Variants in CBFA2T2 observed in about 807,000 individuals in gnomAD.
The protein encoded by CBFA2T2 is CBFA2/RUNX1 partner transcriptional co-repressor 2, also known as protein CBFA2T2.
In CBFA2T2, 11 loss-of-function variants were observed where a neutral mutation model predicts 62.2. The observed-to-expected ratio is 0.18, with a 90% CI of 0.11 to 0.29. The LOEUF is 0.29. CBFA2T2 is among the 10% of genes least tolerant of loss of function. CBFA2T2 has a pLI of 1.00. For missense variants in CBFA2T2, 592 were observed against 774.1 expected (o/e 0.76, Z 2.79); for synonymous variants, 295 against 287.5 (o/e 1.03, Z -0.27).
intron 1 of CBFA2T2, among the ~76,000 whole-genome samples, chr20:33,563,497 T>G (rs759098053): frequency 1.6e-4 from 25 of 152,144 alleles, no homozygotes; most frequent in Non-Finnish European, 2.4e-4. Flanking sequence ...CATGAGCCAC[T>G]GCACCTGGCC....
chr20:33,541,036 C>A (rs1303619322), intron 1 of CBFA2T2, among the ~76,000 whole-genome samples: 1 of 152,152 alleles, frequency 6.6e-6, no homozygotes. Flanking sequence ...GTTTAAGATG[C>A]ACTGTGGGAC....
In CBFA2T2 at chr20:33,628,433, C is replaced by A; in HGVS notation, c.1030C>A (p.His344Asn). 6.2e-7 allele frequency: 1 copy of A among 1,605,046 alleles called. No individual in the cohort carries two copies. The highest frequency in any genetic ancestry group is 8.5e-7 in the Non-Finnish European group (1 of 1,171,772). Residue 344 changes from histidine (H) to asparagine (N), a missense_variant and splice_region_variant, in exon 7 of 11, where the codon CAT becomes AAT. Physicochemically the swap from His to Asn is moderately conservative, Grantham distance 68 (BLOSUM62 1). This residue lies in a region of CBFA2T2 where 449 missense variants were observed against 551.2 expected (regional missense o/e 0.81). Coordinates refer to ENST00000342704, the MANE Select transcript of CBFA2T2 (RefSeq NM_001032999.3). ...EWADEWKHLDHALNCIMEMVE... is the reference protein window; with the variant it reads ...EWADEWKHLDNALNCIMEMVE... ...GGCTGATGAATGGAAACATCTTGACCATGTAAGAATCTTGTAGTGTGTAAT... is the reference window on the plus strand; with the variant it reads ...GGCTGATGAATGGAAACATCTTGACAATGTAAGAATCTTGTAGTGTGTAAT...
intron 2 of CBFA2T2, among the ~76,000 whole-genome samples, chr20:33,610,847 T>C (rs576075924): frequency 1.3e-5 from 2 of 152,288 alleles, no homozygotes; most frequent in African/African-American, 4.8e-5. Context: ...CCATGGCACC[T>C]GTAGAGTTAG....
intron 4 of CBFA2T2, among the ~76,000 whole-genome samples, chr20:33,620,477 G>C (rs1233562427): frequency 6.6e-6 from 1 of 152,080 alleles, no homozygotes; most frequent in Non-Finnish European, 1.5e-5. Flanking sequence ...CTGCACCCCA[G>C]CCTGGGTGAC....
In CBFA2T2 at chr20:33,623,230, C is replaced by T. The variant is rs1178178637; in HGVS notation, c.626C>T (p.Ser209Leu). 3.7e-6 allele frequency: 6 copies of T among 1,614,102 alleles called. No homozygotes were observed. The African/African-American group carries it at 5.3e-5, about 14-fold the overall frequency. Residue 209 changes from serine to leucine, a missense_variant, in exon 5 of 11, where the codon TCG (serine) becomes TTG (leucine). Ser to Leu is a moderately radical substitution (Grantham distance 145). This residue lies in a region of CBFA2T2 where 449 missense variants were observed against 551.2 expected (regional missense o/e 0.81). Coordinates refer to ENST00000342704, the MANE Select transcript of CBFA2T2 (RefSeq NM_001032999.3). ...CTTCTGCTCAACACAAGCATTGCAT[C>T]GCCTGCTGACTCGTCAGAGTTGCTC... ...EHLLLNTSIA[S>L]PADSSELLME...
At chr20:33,574,111 A>C (rs2013707450) in intron 1 of CBFA2T2, 1 of 1,568,052 alleles carries the variant, frequency 6.4e-7, no homozygotes, top group African/African-American at 1.4e-5. Flanking sequence ...TATGATGAAG[A>C]TTGAGGATGG....
At chr20:33,608,930 T>A (rs2015428841) in intron 2 of CBFA2T2, among the ~76,000 whole-genome samples, 1 of 152,180 alleles carries the variant, frequency 6.6e-6, no homozygotes, top group Non-Finnish European at 1.5e-5. Flanking sequence ...TGCAACTAAT[T>A]TTCTGGATTG....
At chr20:33,523,890 G>A (rs1012967845) in intron 1 of CBFA2T2, among the ~76,000 whole-genome samples, 2 of 151,978 alleles carry the variant, frequency 1.3e-5, no homozygotes, top group African/African-American at 4.8e-5. Flanking sequence ...CTCCATGTTG[G>A]TCAGACTGAT....
intron 4 of CBFA2T2, among the ~76,000 whole-genome samples, chr20:33,621,493 A>G (rs1474695442): frequency 6.6e-6 from 1 of 151,780 alleles, no homozygotes; most frequent in African/African-American, 2.4e-5. Context: ...GACTATTAAT[A>G]GTAGCGACCA....
chr20:33,525,621 T>G (rs1054418264), intron 1 of CBFA2T2, among the ~76,000 whole-genome samples: 84 of 152,192 alleles, frequency 5.5e-4, no homozygotes, highest in African/African-American at 2.0e-3. Flanking sequence ...ACAATTACTG[T>G]CTATTTTTCC....
chr20:33,629,886 C>A lies in CBFA2T2; in HGVS notation c.1200C>A (p.Ser400Arg). ...TGTELVSRQH[S>R]PGSADSLSND... ...CCGAGTTGGTCTCCAGGCAGCACAGCCCTGGGAGTGCAGATTCTCTCAGCA... is the reference window on the plus strand; with the variant it reads ...CCGAGTTGGTCTCCAGGCAGCACAGACCTGGGAGTGCAGATTCTCTCAGCA... The change falls in exon 8 of 11, where the codon AGC (serine) becomes AGA (arginine). Residue 400 changes from serine (S) to arginine (R), a missense_variant. By Grantham distance (110) the Ser-to-Arg change is moderately radical (BLOSUM62 -1). This residue lies in a region of CBFA2T2 where 449 missense variants were observed against 551.2 expected (regional missense o/e 0.81). Coordinates refer to ENST00000342704, the MANE Select transcript of CBFA2T2 (RefSeq NM_001032999.3). 6.2e-7 allele frequency: 1 copy of A among 1,613,266 alleles called. No individual in the cohort carries two copies. Among genetic ancestry groups the A allele is most frequent in the Non-Finnish European group, 8.5e-7 (1 of 1,179,708 alleles).
intron 1 of CBFA2T2, among the ~76,000 whole-genome samples, chr20:33,513,926 A>C (rs2011553751): frequency 7.0e-6 from 1 of 143,758 alleles, no homozygotes; most frequent in Non-Finnish European, 1.5e-5. Context: ...TGTTGTTTTG[A>C]GAGGGGGTCT....
At chr20:33,495,924 G>T (rs2011194997) in intron 1 of CBFA2T2, among the ~76,000 whole-genome samples, 1 of 152,130 alleles carries the variant, frequency 6.6e-6, no homozygotes, top group African/African-American at 2.4e-5. Context: ...TATATGTAAA[G>T]TACTTAAAAC....
chr20:33,501,919 C>G (rs1600901962), intron 1 of CBFA2T2, among the ~76,000 whole-genome samples: 1 of 149,726 alleles, frequency 6.7e-6, no homozygotes, highest in African/African-American at 2.5e-5. Context: ...GGATTACAGG[C>G]ATGAGCCACT....
chr20:33,588,890 C>T (rs529361260), intron 1 of CBFA2T2, among the ~76,000 whole-genome samples: 5 of 152,116 alleles, frequency 3.3e-5, no homozygotes, highest in African/African-American at 1.2e-4. Context: ...TGCAGTGAGC[C>T]ATGATCGCGC....
intron 1 of CBFA2T2, among the ~76,000 whole-genome samples, chr20:33,538,992 C>G (rs1244306042): frequency 6.6e-6 from 1 of 152,098 alleles, no homozygotes; most frequent in East Asian, 1.9e-4. Flanking sequence ...TTATTTATTC[C>G]TCCACATTGG....
chr20:33,577,509 C>T (rs2013884866), intron 1 of CBFA2T2, among the ~76,000 whole-genome samples: 1 of 152,154 alleles, frequency 6.6e-6, no homozygotes, highest in South Asian at 2.1e-4. Context: ...AATTTTCTAA[C>T]TTGTCCAGGG....
chr20:33,567,989 G>A (rs181158299), intron 1 of CBFA2T2, among the ~76,000 whole-genome samples: 3 of 152,142 alleles, frequency 2.0e-5, no homozygotes, highest in Non-Finnish European at 2.9e-5. Context: ...GTCTTGGAAC[G>A]CATCTCCTTC....
At chr20:33,564,661 C>T (rs1029688878) in intron 1 of CBFA2T2, among the ~76,000 whole-genome samples, 1 of 152,080 alleles carries the variant, frequency 6.6e-6, no homozygotes, top group Non-Finnish European at 1.5e-5. Flanking sequence ...TCACTACAGC[C>T]TTCACTCTTC....
Sources: allele counts gnomAD v4.1 joint callset (sites outside exome capture counted in the v4.1 genomes callset), GRCh38; gene constraint gnomAD v4.1.1; regional missense constraint gnomAD v4.1.1; transcripts MANE v1.5; gene names NCBI Gene and HGNC (gene_info 2026-07-23, HGNC 2026-07-21).